STK32B: variants seen among roughly 807,000 people sequenced by gnomAD.
STK32B encodes the protein serine/threonine kinase 32B.
In STK32B, 43 loss-of-function variants were observed where a neutral mutation model predicts 52.6. The ratio of observed to expected loss-of-function variants is 0.82; its 90% confidence interval spans 0.64 to 1.05. The LOEUF (loss-of-function observed/expected upper bound fraction) is 1.05. Ranked by LOEUF, STK32B falls within the 50% of genes least tolerant of loss-of-function variation. The probability of loss-of-function intolerance (pLI) is 0.00; values close to 1 mark genes in which losing one functional copy is unlikely to be tolerated. For synonymous variants in STK32B, 238 were observed against 204.3 expected (o/e 1.17, Z -1.41); for missense variants, 621 against 534.6 (o/e 1.16, Z -1.59).
chr4:5,274,811 T>C (rs1158078801), intron 3 of STK32B, among the ~76,000 whole-genome samples: 1 of 152,158 alleles, frequency 6.6e-6, no homozygotes, highest in African/African-American at 2.4e-5. Flanking sequence ...CCACTGCTGT[T>C]TGCCGCGGTT....
At chr4:5,422,076 G>A (rs1285986933) in intron 6 of STK32B, among the ~76,000 whole-genome samples, 2 of 152,188 alleles carry the variant, frequency 1.3e-5, no homozygotes, top group Non-Finnish European at 2.9e-5. Flanking sequence ...GTTACTGATG[G>A]AAAAAGCTTT....
At chr4:5,451,835 C>T (rs972085766) in intron 7 of STK32B, among the ~76,000 whole-genome samples, 2 of 152,188 alleles carry the variant, frequency 1.3e-5, no homozygotes, top group Admixed American at 6.5e-5. Flanking sequence ...TGCCATAGAA[C>T]AACCAGGAGG....
intron 3 of STK32B, among the ~76,000 whole-genome samples, chr4:5,280,316 G>T (rs1299976058): frequency 1.3e-5 from 2 of 152,106 alleles, no homozygotes; most frequent in Non-Finnish European, 2.9e-5. Flanking sequence ...TTCCCAGTAA[G>T]TTCCTCATCT....
chr4:5,383,741 C>A (rs1351588941), intron 4 of STK32B, among the ~76,000 whole-genome samples: 1 of 152,184 alleles, frequency 6.6e-6, no homozygotes, highest in Non-Finnish European at 1.5e-5. Flanking sequence ...AGGGGCAGGG[C>A]CATCCTGAGT....
In STK32B at chr4:5,386,955, G is replaced by A. The variant is rs551533576; in HGVS notation, c.435-11252G>A. Among the ~76,000 whole-genome samples, 14 of 152,308 alleles carry A rather than the reference G, an allele frequency of 9.2e-5. No homozygotes were observed. Among genetic ancestry groups the A allele is most frequent in the African/African-American group, 2.6e-4 (11 of 41,578 alleles). ...AGAAATAGGAAGCTCTCGAAGAGTC[G>A]CAGCATCTCACAGGCCCAGCCACTT... On this transcript the variant is annotated intron_variant, in intron 4 of 11. Coordinates refer to ENST00000282908, the MANE Select transcript of STK32B (RefSeq NM_018401.3). The surrounding 1 kb of genome is among the most constrained non-coding windows in gnomAD (Gnocchi z 4.5).
chr4:5,065,129 A>G (rs1742366762), intron 1 of STK32B, among the ~76,000 whole-genome samples: 3 of 152,060 alleles, frequency 2.0e-5, no homozygotes, highest in South Asian at 2.1e-4. Context: ...CAACCCCTGC[A>G]TGTTCAGTCA....
intron 1 of STK32B, among the ~76,000 whole-genome samples, chr4:5,130,757 A>G (rs965978332): frequency 2.0e-5 from 3 of 152,058 alleles, no homozygotes; most frequent in East Asian, 1.9e-4. Context: ...ATGTCTACCA[A>G]TCCAGTGGGT....
At chr4:5,207,348 C>G (rs116524882) in intron 3 of STK32B, among the ~76,000 whole-genome samples, 1 of 152,172 alleles carries the variant, frequency 6.6e-6, no homozygotes, top group Non-Finnish European at 1.5e-5. Context: ...CCGTGCTTTT[C>G]TCGTGATAGC....
At chr4:5,177,714 G>A (rs530755565) in intron 3 of STK32B, among the ~76,000 whole-genome samples, 3 of 152,282 alleles carry the variant, frequency 2.0e-5, no homozygotes, top group Non-Finnish European at 4.4e-5. Flanking sequence ...ATTCCAAATG[G>A]GAGAAATTGG....
intron 3 of STK32B, among the ~76,000 whole-genome samples, chr4:5,210,381 T>G (rs536906627): frequency 3.0e-4 from 45 of 152,190 alleles, no homozygotes; most frequent in Non-Finnish European, 5.4e-4. Context: ...GTTCCCAGTC[T>G]TCTTGCCCTT....
At position 5,499,377 on chromosome 4, in the gene STK32B, G is replaced by A. The variant is rs1720561968; in HGVS notation, c.*294G>A. The A allele has an allele frequency of 5.6e-6, 2 of 356,604 alleles. No homozygotes were observed. Among genetic ancestry groups the A allele is most frequent in the Admixed American group, 4.7e-5 (1 of 21,442 alleles). 22.1% of individuals were successfully genotyped at this position (356,604 alleles called of 1,614,324 possible). On this transcript the variant is annotated 3_prime_UTR_variant, in exon 12 of 12. Coordinates refer to ENST00000282908, the MANE Select transcript of STK32B (RefSeq NM_018401.3). ...ATTATGGGGAGAACCCAATTAGGTA[G>A]GAAACATGAAAAACCTTTGATATTT...
intron 3 of STK32B, among the ~76,000 whole-genome samples, chr4:5,214,645 A>G (rs747537461): frequency 3.6e-4 from 55 of 152,236 alleles, no homozygotes; most frequent in Non-Finnish European, 2.1e-4. Flanking sequence ...TAATAACACA[A>G]GAAACTTAAG....
chr4:5,342,761 T>C (rs1577372672), intron 4 of STK32B, among the ~76,000 whole-genome samples: 1 of 152,342 alleles, frequency 6.6e-6, no homozygotes, highest in East Asian at 1.9e-4. Flanking sequence ...ACCTTGTTCA[T>C]CTTCGTATCT....
At chr4:5,248,763 A>G (rs974124278) in intron 3 of STK32B, among the ~76,000 whole-genome samples, 3 of 152,180 alleles carry the variant, frequency 2.0e-5, no homozygotes, top group Non-Finnish European at 4.4e-5. Flanking sequence ...GGGTGAATTC[A>G]TGTCCTTTTT....
intron 2 of STK32B, among the ~76,000 whole-genome samples, chr4:5,148,251 T>C (rs990994505): frequency 1.3e-5 from 2 of 151,816 alleles, no homozygotes; most frequent in African/African-American, 4.8e-5. Flanking sequence ...AACTTCTCTT[T>C]CATTTCTGAT....
chr4:5,096,978 C>T (rs1197044049), intron 1 of STK32B, among the ~76,000 whole-genome samples: 1 of 152,222 alleles, frequency 6.6e-6, no homozygotes, highest in Non-Finnish European at 1.5e-5. Context: ...TATTCTTCCT[C>T]TACAGAAGAG....
At chr4:5,320,563 C>T (rs1390623906) in intron 3 of STK32B, among the ~76,000 whole-genome samples, 1 of 152,138 alleles carries the variant, frequency 6.6e-6, no homozygotes, top group Non-Finnish European at 1.5e-5. Flanking sequence ...CAGGTCAAGT[C>T]TCAAGTTACA....
chr4:5,384,313 T>C (rs186389343), intron 4 of STK32B, among the ~76,000 whole-genome samples: 130 of 152,010 alleles, frequency 8.6e-4, no homozygotes, highest in Non-Finnish European at 2.6e-4. Flanking sequence ...GAGGGGAAAA[T>C]GCTCTGCAGG....
chr4:5,122,493 AC>A (rs1214655677), intron 1 of STK32B, among the ~76,000 whole-genome samples: 1 of 151,468 alleles, frequency 6.6e-6, no homozygotes, highest in Non-Finnish European at 1.5e-5. Context: ...TCATTCACAC[AC>A]ATTCACTCAT....
Sources: allele counts gnomAD v4.1 joint callset (sites outside exome capture counted in the v4.1 genomes callset), GRCh38; gene constraint gnomAD v4.1.1; non-coding constraint Gnocchi (gnomAD v3.1); transcripts MANE v1.5; gene names NCBI Gene and HGNC (gene_info 2026-07-23, HGNC 2026-07-21).